Variants in PADI1 observed in about 807,000 individuals in gnomAD.
The protein encoded by PADI1 is protein-arginine deiminase type-1.
In PADI1, 65 loss-of-function variants were observed where a neutral mutation model predicts 74.8. The observed-to-expected ratio is 0.87, with a 90% CI of 0.71 to 1.07. The LOEUF is 1.07. Among genes scored for constraint, PADI1 ranks in the 50% least tolerant of loss-of-function variants. The pLI is 0.00. For missense variants in PADI1, 943 were observed against 854.0 expected, an observed-to-expected ratio of 1.10 and a Z score of -1.30; for synonymous variants, 371 against 336.2, an observed-to-expected ratio of 1.10 and a Z score of -1.13.
At chr1:17,233,825 C>T (rs2072565054) in intron 11 of PADI1, among the ~76,000 whole-genome samples, 1 of 152,262 alleles carries the variant, frequency 6.6e-6, no homozygotes, top group Non-Finnish European at 1.5e-5. Context: ...CCTGGTGAAT[C>T]TGGCAGCCTC....
intron 14 of PADI1, 78 bp from the exon 15 acceptor site, chr1:17,240,557 G>C: frequency 1.3e-6 from 2 of 1,523,566 alleles, no homozygotes; most frequent in Non-Finnish European, 1.8e-6. Context: ...GGCTCCACAC[G>C]GGCCCAGCGC....
intron 15 of PADI1, among the ~76,000 whole-genome samples, chr1:17,242,634 C>T (rs1330009644): frequency 6.6e-6 from 1 of 152,182 alleles, no homozygotes; most frequent in Admixed American, 6.5e-5. Flanking sequence ...AGGATCCCAG[C>T]TTGTCTTCAC....
intron 14 of PADI1, 155 bp downstream of exon 14, chr1:17,239,938 G>A: frequency 1.6e-6 from 1 of 628,488 alleles, no homozygotes; most frequent in Non-Finnish European, 2.9e-6. Flanking sequence ...TCTGCCTTCA[G>A]GAACCCACAG....
intron 1 of PADI1, among the ~76,000 whole-genome samples, chr1:17,213,182 A>AT (rs1553124711): frequency 0.8 from 121,107 of 152,048 alleles, 48,476 homozygotes; most frequent in East Asian, 0.96. Context: ...TGGGGACGTA[A>AT]TCTCCTACCA....
At chr1:17,224,940 A>G (rs576572619) in intron 4 of PADI1, among the ~76,000 whole-genome samples, 2 of 152,178 alleles carry the variant, frequency 1.3e-5, no homozygotes, top group African/African-American at 4.8e-5. Flanking sequence ...ATTTAAAGGG[A>G]AAGACTCCAG....
At chr1:17,211,619 A>G (rs2100402648) in intron 1 of PADI1, among the ~76,000 whole-genome samples, 1 of 152,292 alleles carries the variant, frequency 6.6e-6, no homozygotes, top group East Asian at 1.9e-4. Context: ...CAGAGCTGGG[A>G]TTTGGACCCA....
chr1:17,224,054 C>A (rs1403928886), intron 3 of PADI1, among the ~76,000 whole-genome samples: 1 of 152,266 alleles, frequency 6.6e-6, no homozygotes, highest in Admixed American at 6.5e-5. Flanking sequence ...GCCCCTGCAA[C>A]CTCAGGCCAT....
rs762716323 is a variant in PADI1 at position 17,228,721 on chromosome 1, A to G, written c.749A>G (p.Tyr250Cys). 1 of 1,614,144 alleles carries G rather than the reference A, an allele frequency of 6.2e-7. No individual in the cohort carries two copies. The highest frequency in any genetic ancestry group is 1.7e-5 in the Admixed American group (1 of 60,020). ...RQPGEQEIKF[Y>C]VEGLTFPDAD... ...CCAGGGGAGCAGGAGATCAAGTTCT[A>G]TGTGGAGGGGCTGACCTTCCCCGAT... Residue 250 changes from tyrosine to cysteine, a missense_variant, in exon 7 of 16, where the codon TAT becomes TGT. Physicochemically the swap from Tyr to Cys is radical, Grantham distance 194. Transcript: ENST00000375471.
intron 8 of PADI1, 101 bp downstream of exon 8, chr1:17,229,152 T>C: frequency 1.3e-6 from 1 of 760,000 alleles, no homozygotes; most frequent in Non-Finnish European, 2.2e-6. Context: ...GACGGATTCA[T>C]TGCGGGCACC....
rs1225368596 is a variant in PADI1 at position 17,230,566 on chromosome 1, T to C, written c.1054-6T>C. The C allele has an allele frequency of 6.3e-7, 1 of 1,593,598 alleles. No homozygotes were observed. Among genetic ancestry groups the C allele is most frequent in the Non-Finnish European group, 8.6e-7 (1 of 1,166,548 alleles). ...CACTGTGGCTTTTTCATCTCTCCCC[T>C]CCCAGGACGAGATGGAGTTTGGCTA... On this transcript the variant is annotated splice_polypyrimidine_tract_variant and splice_region_variant and intron_variant, in intron 9 of 15. Transcript: ENST00000375471.
intron 1 of PADI1, among the ~76,000 whole-genome samples, chr1:17,214,588 G>A (rs139913721): frequency 2.0e-5 from 3 of 152,300 alleles, no homozygotes; most frequent in Admixed American, 1.3e-4. Flanking sequence ...AGGTCTGGGG[G>A]CTACATCATG....
At chr1:17,235,456 C>A (rs1015564418) in intron 11 of PADI1, among the ~76,000 whole-genome samples, 9 of 152,080 alleles carry the variant, frequency 5.9e-5, no homozygotes, top group African/African-American at 2.2e-4. Context: ...ACCGGTAGGA[C>A]CTCAGGCAGG....
At chr1:17,229,798 T>C (rs2072434867) in intron 8 of PADI1, among the ~76,000 whole-genome samples, 4 of 152,180 alleles carry the variant, frequency 2.6e-5, no homozygotes, top group Non-Finnish European at 5.9e-5. Context: ...CCCAAAAGAT[T>C]CAGCCTCAGG....
In PADI1 at chr1:17,232,982, G is replaced by A; in HGVS notation, c.1313+12G>A. On this transcript the variant is annotated intron_variant, in intron 11 of 15. Transcript: ENST00000375471. ...AGCAGCTTCCCCAAGTGAGGGGCTG[G>A]GGCGGGAGGTGGGGAGGCACAAGGG... 1 of 1,591,022 alleles carries A rather than the reference G, an allele frequency of 6.3e-7. No homozygotes were observed. The highest frequency in any genetic ancestry group is 2.3e-5 in the East Asian group (1 of 44,142).
intron 8 of PADI1, among the ~76,000 whole-genome samples, 181 bp from the exon 9 acceptor site, chr1:17,229,904 C>T (rs532517746): frequency 6.6e-6 from 1 of 152,344 alleles, no homozygotes; most frequent in South Asian, 2.1e-4. Flanking sequence ...TTGCACCTGT[C>T]ACCTGATGTG....
At chr1:17,210,318 G>A (rs550133717) in intron 1 of PADI1, among the ~76,000 whole-genome samples, 100 of 152,020 alleles carry the variant, frequency 6.6e-4, no homozygotes, top group Non-Finnish European at 1.2e-3. Flanking sequence ...CACCGCGCCC[G>A]GCCAATTTTT....
chr1:17,215,846 G>A (rs545680156), intron 1 of PADI1, among the ~76,000 whole-genome samples: 1 of 152,358 alleles, frequency 6.6e-6, no homozygotes, highest in South Asian at 2.1e-4. Context: ...ATTTTAGAGG[G>A]AGAGACTGCA....
chr1:17,240,907 A>G, intron 15 of PADI1, 147 bp downstream of exon 15: 1 of 965,658 alleles, frequency 1.0e-6, no homozygotes, highest in Non-Finnish European at 1.5e-6. Context: ...GAACATTCCC[A>G]TCAGTGGCTC....
chr1:17,235,333 T>C lies in PADI1; in HGVS notation c.1314-1981T>C, dbSNP rs375536244. ...AGGCAAAGTAGTGTGGAGTGGACCA[T>C]GTTGCAGGCAGAGGGAAGCGCTCAG... On this transcript the variant is annotated intron_variant, in intron 11 of 15. Transcript: ENST00000375471. 6.5e-5 allele frequency among the ~76,000 whole-genome samples: 8 copies of C among 122,968 alleles called. 1 individual carries two copies. In the South Asian group the frequency reaches 1.1e-3, roughly 16 times the overall value. 80.7% of individuals were successfully genotyped at this position (122,968 alleles called of 152,430 possible).
Sources: gnomAD v4.1 joint callset for allele counts (sites outside exome capture counted in the v4.1 genomes callset) on GRCh38, gnomAD v4.1.1 for gene constraint, MANE v1.5 for transcripts, NCBI Gene and HGNC (gene_info 2026-07-23, HGNC 2026-07-21) for gene names.